The following HOXB4 variants were observed in gnomAD, a reference collection of about 807,000 sequenced individuals.
The protein encoded by HOXB4 is homeobox B4.
In HOXB4, 13 loss-of-function variants were observed where a neutral mutation model predicts 20.0. The ratio of observed to expected loss-of-function variants is 0.65; its 90% CI spans 0.42 to 1.03. HOXB4 has a LOEUF of 1.03. Among genes scored for constraint, HOXB4 ranks in the 50% least tolerant of loss-of-function variants. The pLI, the probability that HOXB4 is intolerant of heterozygous loss-of-function variation, is 0.00. For missense variants in HOXB4, 343 were observed against 357.1 expected (o/e 0.96, Z 0.32); for synonymous variants, 173 against 148.9 (o/e 1.16, Z -1.18).
chr17:48,576,315 G>A lies in HOXB4; in HGVS notation c.*407C>T, dbSNP rs2144882164. The A allele has an allele frequency of 6.3e-6, 1 of 158,056 alleles. No homozygotes were observed. Among genetic ancestry groups the A allele is most frequent in the African/African-American group, 2.4e-5 (1 of 41,814 alleles). The allele number at this position is 158,056 out of a possible 1,614,324, so 9.8% of individuals were successfully genotyped here. A position where few individuals can be genotyped will look rare whatever the true frequency, so the allele number is the denominator to read the frequency against. ...GCCACCGAGGCCCGTCTTCTCCTCG[G>A]CAGAGGAAACAAGACAGATGGGCCT... is the stretch of plus-strand genomic sequence containing the variant. On this transcript the variant is annotated 3_prime_UTR_variant, in exon 2 of 2. Transcript: ENST00000332503.
intron 1 of HOXB4, 74 bp downstream of exon 1, chr17:48,577,789 C>CA: frequency 7.9e-7 from 1 of 1,272,076 alleles, no homozygotes; most frequent in Non-Finnish European, 1.0e-6. Context: ...AACCCCCCCC[C>CA]AACCCATGCC....
chr17:48,577,854 C>G lies in HOXB4; in HGVS notation c.457+9G>C, dbSNP rs200815965. ...GGGTGGGAGGGGGAAGGGGTGCCCACGCACTCACCCGTGCTCACGTGAACT... is the reference window on the plus strand; with the variant it reads ...GGGTGGGAGGGGGAAGGGGTGCCCAGGCACTCACCCGTGCTCACGTGAACT... On this transcript the variant is annotated intron_variant, in intron 1 of 1. Coordinates refer to ENST00000332503, the MANE Select transcript of HOXB4 (RefSeq NM_024015.5). 9 of 1,401,824 alleles carry G rather than the reference C, an allele frequency of 6.4e-6. No homozygotes were observed. In the East Asian group the frequency reaches 2.2e-4, roughly 34 times the overall value. The allele number at this position is 1,401,824 out of a possible 1,614,324, so 86.8% of individuals were successfully genotyped here.
At position 48,575,759 on chromosome 17, in the gene HOXB4, C is replaced by T. The variant is rs1212861038; in HGVS notation, c.*963G>A. 6.6e-6 allele frequency: 1 copy of T among 152,596 alleles called. No homozygotes were observed. Among genetic ancestry groups the T allele is most frequent in the East Asian group, 1.9e-4 (1 of 5,196 alleles). 9.5% of individuals were successfully genotyped at this position (152,596 alleles called of 1,614,324 possible). On this transcript the variant is annotated 3_prime_UTR_variant, in exon 2 of 2. Transcript: ENST00000332503. ...AGAGGGCTCTGCAACATCCTCCTCCCAGACTGGGAGGGGCACATTTTATTT... is the reference window on the plus strand; with the variant it reads ...AGAGGGCTCTGCAACATCCTCCTCCTAGACTGGGAGGGGCACATTTTATTT...
Position 48,576,828 on chromosome 17 carries a change from C to T in HOXB4, c.650G>A (p.Trp217Ter). ...KIWFQNRRMKWKKDHKLPNTK... is the reference protein window; with the variant it reads ...KIWFQNRRMK ...GTTGGGCAACTTGTGGTCTTTTTTC[C>T]ACTTCATGCGCCGGTTCTGGAACCA... The change falls in exon 2 of 2, where the codon TGG becomes TAG. Residue 217 changes from tryptophan (W) to a stop codon, truncating the protein, a stop_gained. Coordinates refer to ENST00000332503, the MANE Select transcript of HOXB4 (RefSeq NM_024015.5). LOFTEE classifies it high-confidence loss of function. 1.2e-6 allele frequency: 2 copies of T among 1,614,250 alleles called. No individual in the cohort carries two copies. The highest frequency in any genetic ancestry group is 1.7e-6 in the Non-Finnish European group (2 of 1,180,042).
Position 48,577,990 on chromosome 17 carries a change from G to T in HOXB4, c.330C>A (p.Cys110Ter). The T allele has an allele frequency of 7.7e-7, 1 of 1,300,348 alleles. No homozygotes were observed. The allele number at this position is 1,300,348 out of a possible 1,614,324, so 80.6% of individuals were successfully genotyped here. A position where few individuals can be genotyped will look rare whatever the true frequency, so the allele number is the denominator to read the frequency against. ...GCGGGGGGCTGCTGCTGACCGCCTC[G>T]CAGCGCTGGCCGGGCTCCGGGAGGA... ...GALLPEPGQR[C>*]EAVSSSPPPP... Residue 110 changes from cysteine to a stop codon, truncating the protein, a stop_gained, in exon 1 of 2, where the codon TGC (cysteine) becomes TGA (stop). Coordinates refer to ENST00000332503, the MANE Select transcript of HOXB4 (RefSeq NM_024015.5). LOFTEE classifies it high-confidence loss of function.
rs890616015 is a variant in HOXB4 at position 48,576,467 on chromosome 17, CT to C, written c.*254del. On this transcript the variant is annotated 3_prime_UTR_variant, in exon 2 of 2. Transcript: ENST00000332503. Reference sequence around the variant, plus strand: ...TTCCTTCTTCTTGCTTTTTCTTTTTCTTTTTTTTAAGAAAGAAAGCAAGAGA... The same window carrying C: ...TTCCTTCTTCTTGCTTTTTCTTTTTCTTTTTTTAAGAAAGAAAGCAAGAGA... The C allele has an allele frequency of 1.8e-5, 7 of 386,746 alleles. No homozygotes were observed. The highest frequency in any genetic ancestry group is 1.1e-4 in the South Asian group (1 of 8,790). The allele number at this position is 386,746 out of a possible 1,614,324, so 24.0% of individuals were successfully genotyped here.
Position 48,576,633 on chromosome 17 carries a change from C to CCCAAGGCCCCCA in HOXB4, c.*88_*89insTGGGGGCCTTGG. The CCCAAGGCCCCCA allele has an allele frequency of 8.3e-7, 1 of 1,204,310 alleles. No homozygotes were observed. The highest frequency in any genetic ancestry group is 1.1e-6 in the Non-Finnish European group (1 of 892,872). 74.6% of individuals were successfully genotyped at this position (1,204,310 alleles called of 1,614,324 possible). ...AGATAGATTTTTCCGGGGCCCAGGC[C>CCCAAGGCCCCCA]CCAGGGCCCCCTCCTGTCCCCCCAC... On this transcript the variant is annotated 3_prime_UTR_variant, in exon 2 of 2. Coordinates refer to ENST00000332503, the MANE Select transcript of HOXB4 (RefSeq NM_024015.5).
chr17:48,578,024 G>T lies in HOXB4; in HGVS notation c.296C>A (p.Ala99Asp). ...LSPRAPAPPP[A>D]GALLPEPGQR... ...GCCGGGCTCCGGGAGGAGGGCCCCG[G>T]CGGGTGGCGGCGCAGGAGCCCGAGG... The change falls in exon 1 of 2, where the codon GCC (alanine) becomes GAC (aspartate). Residue 99 changes from alanine (A) to aspartate (D), a missense_variant. By Grantham distance (126) the Ala-to-Asp change is moderately radical. Around this residue, in one of 3 missense-constraint regions of HOXB4, gnomAD observed 241 missense variants for 222.0 expected, o/e 1.09. Coordinates refer to ENST00000332503, the MANE Select transcript of HOXB4 (RefSeq NM_024015.5). The T allele has an allele frequency of 8.0e-7, 1 of 1,253,934 alleles. No homozygotes were observed. Among genetic ancestry groups the T allele is most frequent in the Non-Finnish European group, 1.0e-6 (1 of 996,838 alleles). 77.7% of individuals were successfully genotyped at this position (1,253,934 alleles called of 1,614,324 possible). A position where few individuals can be genotyped will look rare whatever the true frequency, so the allele number is the denominator to read the frequency against.
rs2069793466 is a variant in HOXB4, at chr17:48,577,172, G to T, written c.458-152C>A. 13 of 767,976 alleles carry T rather than the reference G, an allele frequency of 1.7e-5. No individual in the cohort carries two copies. The South Asian group carries it at 2.5e-4, about 15-fold the overall frequency. 47.6% of individuals were successfully genotyped at this position (767,976 alleles called of 1,614,324 possible). On this transcript the variant is annotated intron_variant, in intron 1 of 1. Coordinates refer to ENST00000332503, the MANE Select transcript of HOXB4 (RefSeq NM_024015.5). ...AGAGCGGGGAAAAACGAAAAGGGAA[G>T]AATGCAAGACCCAAGAATGAGAAAG...
Position 48,576,517 on chromosome 17 carries a change from C to T in HOXB4, c.*205G>A, listed in dbSNP as rs925888379. 5.0e-6 allele frequency: 2 copies of T among 399,028 alleles called. No homozygotes were observed. The highest frequency in any genetic ancestry group is 2.4e-4 in the South Asian group (2 of 8,352). The allele number at this position is 399,028 out of a possible 1,614,324, so 24.7% of individuals were successfully genotyped here. A position where few individuals can be genotyped will look rare whatever the true frequency, so the allele number is the denominator to read the frequency against. ...GATTTGAATCTTGCTTCTGGGGGGG[C>T]CTCCCCGTGGCCCTCTATTGTCATT... is the stretch of plus-strand genomic sequence containing the variant. On this transcript the variant is annotated 3_prime_UTR_variant, in exon 2 of 2. Transcript: ENST00000332503.
At chr17:48,577,116 C>T in intron 1 of HOXB4, 96 bp from the exon 2 acceptor site, 2 of 1,234,168 alleles carry the variant, frequency 1.6e-6, no homozygotes, top group South Asian at 1.5e-5. Context: ...CCCTCCCTCC[C>T]TCTCCCGCCA....
At position 48,576,650 on chromosome 17, in the gene HOXB4, T is replaced by TACCCCC; in HGVS notation, c.*71_*72insGGGGGT. The stretch of plus-strand genomic sequence containing the variant: ...GCCCAGGCCCCAGGGCCCCCTCCTG[T>TACCCCC]CCCCCCACCCCATCCCCTGCACTCA... On this transcript the variant is annotated 3_prime_UTR_variant, in exon 2 of 2. Coordinates refer to ENST00000332503, the MANE Select transcript of HOXB4 (RefSeq NM_024015.5). The TACCCCC allele has an allele frequency of 1.8e-6, 1 of 567,770 alleles. No individual in the cohort carries two copies. The highest frequency in any genetic ancestry group is 5.2e-5 in the East Asian group (1 of 19,332). 35.2% of individuals were successfully genotyped at this position (567,770 alleles called of 1,614,324 possible). A position where few individuals can be genotyped will look rare whatever the true frequency, so the allele number is the denominator to read the frequency against.
chr17:48,576,947 C>T lies in HOXB4; in HGVS notation c.531G>A (p.Leu177=). The T allele has an allele frequency of 6.2e-7, 1 of 1,614,192 alleles. No homozygotes were observed. The highest frequency in any genetic ancestry group is 8.5e-7 in the Non-Finnish European group (1 of 1,180,008). ...TAYTRQQVLE[L]EKEFHYNRYL... ...AGCGGTTGTAGTGAAATTCCTTCTC[C>T]AGCTCCAAGACCTGCTGGCGCGTGT... Residue 177 remains leucine, a synonymous_variant, in exon 2 of 2, where the codon CTG becomes CTA. Transcript: ENST00000332503.
chr17:48,577,028 C>T lies in HOXB4; in HGVS notation c.458-8G>A. 1 of 1,578,782 alleles carries T rather than the reference C, an allele frequency of 6.3e-7. No individual in the cohort carries two copies. ...CGGCGTAATTGGGGTTTACTGGACA[C>T]ACACGGAGAGAGGGAGAAAGAGAAA... On this transcript the variant is annotated splice_region_variant and splice_polypyrimidine_tract_variant and intron_variant, in intron 1 of 1. Coordinates refer to ENST00000332503, the MANE Select transcript of HOXB4 (RefSeq NM_024015.5).
intron 1 of HOXB4, 86 bp downstream of exon 1, chr17:48,577,776 CT>C: frequency 8.3e-7 from 1 of 1,208,178 alleles, no homozygotes; most frequent in Non-Finnish European, 1.1e-6. Context: ...GCTTCCCCAG[CT>C]CAACCCCCCC....
Position 48,576,407 on chromosome 17 carries a change from G to T in HOXB4, c.*315C>A. The stretch of plus-strand genomic sequence containing the variant: ...CCAAAGCTGAAAACGAGGAGCTGCA[G>T]CCTCCTCCTATTTCTCTTTCTGTCT... On this transcript the variant is annotated 3_prime_UTR_variant, in exon 2 of 2. Transcript: ENST00000332503. 1 of 258,716 alleles carries T rather than the reference G, an allele frequency of 3.9e-6. No individual in the cohort carries two copies. Among genetic ancestry groups the T allele is most frequent in the Non-Finnish European group, 7.3e-6 (1 of 137,912 alleles). 16.0% of individuals were successfully genotyped at this position (258,716 alleles called of 1,614,324 possible). A position where few individuals can be genotyped will look rare whatever the true frequency, so the allele number is the denominator to read the frequency against.
intron 1 of HOXB4, among the ~76,000 whole-genome samples, chr17:48,577,330 G>C (rs1263349535): frequency 1.3e-5 from 2 of 152,304 alleles, no homozygotes; most frequent in African/African-American, 4.8e-5. Flanking sequence ...CAGAATGGGA[G>C]AATGAGGGGG....
Position 48,576,140 on chromosome 17 carries a change from C to T in HOXB4, c.*582G>A, listed in dbSNP as rs2069750864. ...GTGTGTTACCGTGACCAAAACACTGCACTATCTGGCAGTCAGAGGGTGCTT... is the reference window on the plus strand; with the variant it reads ...GTGTGTTACCGTGACCAAAACACTGTACTATCTGGCAGTCAGAGGGTGCTT... On this transcript the variant is annotated 3_prime_UTR_variant, in exon 2 of 2. Coordinates refer to ENST00000332503, the MANE Select transcript of HOXB4 (RefSeq NM_024015.5). 1 of 152,812 alleles carries T rather than the reference C, an allele frequency of 6.5e-6. No homozygotes were observed. The highest frequency in any genetic ancestry group is 6.5e-5 in the Admixed American group (1 of 15,284). 9.5% of individuals were successfully genotyped at this position (152,812 alleles called of 1,614,324 possible).
chr17:48,577,142 G>A lies in HOXB4; in HGVS notation c.458-122C>T, dbSNP rs564494615. 21 of 933,470 alleles carry A rather than the reference G, an allele frequency of 2.2e-5. 1 individual carries two copies. The South Asian group carries it at 3.4e-4, about 15-fold the overall frequency. 57.8% of individuals were successfully genotyped at this position (933,470 alleles called of 1,614,324 possible). On this transcript the variant is annotated intron_variant, in intron 1 of 1. Transcript: ENST00000332503. ...TCTCCCGCCACCTCTTCTTCCTTCT[G>A]AGGGAGAGCGGGGAAAAACGAAAAG...
Sources: allele counts gnomAD v4.1 joint callset (sites outside exome capture counted in the v4.1 genomes callset), GRCh38; gene constraint gnomAD v4.1.1; regional missense constraint gnomAD v4.1.1; transcripts MANE v1.5; gene names NCBI Gene and HGNC (gene_info 2026-07-23, HGNC 2026-07-21).